Variants in TG observed in about 807,000 individuals in gnomAD.
TG encodes thyroglobulin, also known as thyroid hormones.
Under a neutral mutation model 324.7 loss-of-function variants are expected in TG, and 270 were observed. The observed-to-expected ratio is 0.83, with a 90% CI of 0.75 to 0.92. The LOEUF is 0.92. Among genes scored for constraint, TG ranks in the 40% least tolerant of loss-of-function variants. The probability of loss-of-function intolerance (pLI) is 0.00; values close to 1 mark genes in which losing one functional copy is unlikely to be tolerated. For synonymous variants in TG, 1,401 were observed against 1,327.0 expected (o/e 1.06, Z -1.21); for missense variants, 3,591 against 3,456.4 (o/e 1.04, Z -0.98).
At chr8:133,102,812 G>T in intron 43 of TG, 1 of 464,136 alleles carries the variant, frequency 2.2e-6, no homozygotes. Flanking sequence ...CAAGGAAGGC[G>T]AGAAAAATCA....
intron 32 of TG, 68 bp downstream of exon 32, chr8:132,969,637 T>A: frequency 8.2e-7 from 1 of 1,223,380 alleles, no homozygotes; most frequent in Admixed American, 1.7e-5. Flanking sequence ...GATGACACAA[T>A]CACAGCTAAA....
At position 132,869,759 on chromosome 8, in the gene TG, C is replaced by T. The variant is rs1381318052; in HGVS notation, c.207C>T (p.Ser69=). 1.2e-6 allele frequency: 2 copies of T among 1,614,196 alleles called. No homozygotes were observed. The highest frequency in any genetic ancestry group is 8.5e-7 in the Non-Finnish European group (1 of 1,180,036). The change falls in exon 3 of 48, where the codon TCC becomes TCT. Residue 69 remains serine (S), a synonymous_variant. Transcript: ENST00000220616. ...QTVQCQNDGR[S]CWCVGANGSE... is the part of the protein sequence containing the mutation. ...TCCAGTGCCAGAACGACGGCCGCTC[C>T]TGCTGGTGTGTGGGTGCCAACGGCA...
At chr8:132,922,433 G>A (rs560314726) in intron 21 of TG, among the ~76,000 whole-genome samples, 10 of 152,174 alleles carry the variant, frequency 6.6e-5, no homozygotes, top group Admixed American at 2.6e-4. Context: ...TTTCTGGAAC[G>A]TCTATCGAGT....
At chr8:132,926,138 A>G (rs543374663) in intron 22 of TG, among the ~76,000 whole-genome samples, 1 of 152,308 alleles carries the variant, frequency 6.6e-6, no homozygotes, top group African/African-American at 2.4e-5. Flanking sequence ...CTTCGGGAGT[A>G]AAATGTTTAA....
chr8:133,085,395 G>T (rs1846364974), intron 41 of TG, among the ~76,000 whole-genome samples: 1 of 152,162 alleles, frequency 6.6e-6, no homozygotes, highest in African/African-American at 2.4e-5. Flanking sequence ...TCCAAAAGAT[G>T]CCATGAAGAA....
Position 132,888,558 on chromosome 8 carries a change from G to C in TG, c.2751G>C (p.Lys917Asn), listed in dbSNP as rs776881055. 16 of 1,611,102 alleles carry C rather than the reference G, an allele frequency of 9.9e-6. No individual in the cohort carries two copies. The African/African-American group carries it at 1.6e-4, about 16-fold the overall frequency. Residue 917 changes from lysine to asparagine, a missense_variant, in exon 10 of 48, where the codon AAG (lysine) becomes AAC (asparagine). Lys to Asn is a moderately conservative substitution (Grantham distance 94). Coordinates refer to ENST00000220616, the MANE Select transcript of TG (RefSeq NM_003235.5). ...ELEGMRSEPS[K>N]LPTCPGSCEE... ...AAGGAATGCGGTCTGAGCCAAGCAA[G>C]CTCCCAACATGTGAGCTAACGCATA...
chr8:133,061,466 A>G (rs1842361942), intron 41 of TG, among the ~76,000 whole-genome samples: 1 of 152,218 alleles, frequency 6.6e-6, no homozygotes, highest in South Asian at 2.1e-4. Context: ...ATTGTCCTTA[A>G]TGATAAAATT....
At chr8:133,125,957 C>T (rs10106670) in intron 45 of TG, among the ~76,000 whole-genome samples, 2,589 of 152,158 alleles carry the variant, frequency 0.017, 68 homozygotes, top group African/African-American at 0.059. Context: ...ATATCCAGGA[C>T]GGCTCACTGA....
chr8:132,907,146 G>A (rs1054895856), intron 17 of TG, among the ~76,000 whole-genome samples: 1 of 152,200 alleles, frequency 6.6e-6, no homozygotes, highest in Non-Finnish European at 1.5e-5. Flanking sequence ...CTCCTTGAGA[G>A]AATTGCCATT....
chr8:132,873,329 T>G (rs1225137752), intron 5 of TG, 108 bp downstream of exon 5: 5 of 1,421,742 alleles, frequency 3.5e-6, no homozygotes, highest in African/African-American at 1.4e-5. Context: ...GATAAGGAAT[T>G]AAGAGCTGCC....
chr8:133,050,906 C>T (rs1162275630), intron 41 of TG: 1 of 1,611,306 alleles, frequency 6.2e-7, no homozygotes, highest in East Asian at 2.2e-5. Flanking sequence ...AAGGAAGTCG[C>T]TATCCAGTCC....
At chr8:133,056,470 C>T (rs1841463604) in intron 41 of TG, among the ~76,000 whole-genome samples, 1 of 152,326 alleles carries the variant, frequency 6.6e-6, no homozygotes, top group South Asian at 2.1e-4. Flanking sequence ...CGAGCCCATC[C>T]TCTTCCAGAG....
At chr8:132,951,739 A>T (rs1826130756) in intron 27 of TG, among the ~76,000 whole-genome samples, 1 of 152,200 alleles carries the variant, frequency 6.6e-6, no homozygotes, top group African/African-American at 2.4e-5. Flanking sequence ...GTAGGAGGCT[A>T]CCTCCAACTG....
intron 35 of TG, among the ~76,000 whole-genome samples, chr8:133,004,475 G>A (rs1275767811): frequency 5.3e-5 from 8 of 152,166 alleles, no homozygotes; most frequent in Non-Finnish European, 1.5e-5. Flanking sequence ...CTTGAATGAT[G>A]CCTCTATAAT....
At chr8:132,996,495 A>T (rs1308227605) in intron 35 of TG, among the ~76,000 whole-genome samples, 1 of 152,202 alleles carries the variant, frequency 6.6e-6, no homozygotes, top group African/African-American at 2.4e-5. Context: ...CACAGTGAAC[A>T]CTTAGTAAAT....
At chr8:132,951,341 A>C (rs75232288) in intron 27 of TG, among the ~76,000 whole-genome samples, 2,953 of 152,342 alleles carry the variant, frequency 0.019, 96 homozygotes, top group African/African-American at 0.064. Flanking sequence ...ATGAAGCACA[A>C]ATAGTTTCTT....
chr8:132,879,875 A>G (rs1311513774), intron 5 of TG, among the ~76,000 whole-genome samples: 1 of 152,176 alleles, frequency 6.6e-6, no homozygotes, highest in Non-Finnish European at 1.5e-5. Context: ...TGGCTCAAAG[A>G]CTGTGGAGGT....
intron 41 of TG, chr8:133,049,096 C>A (rs1220348929): frequency 2.2e-6 from 1 of 453,472 alleles, no homozygotes; most frequent in Non-Finnish European, 4.4e-6. Flanking sequence ...ACAGGACCCT[C>A]ACATGGAAGG....
intron 27 of TG, among the ~76,000 whole-genome samples, chr8:132,956,644 C>G (rs1280665093): frequency 2.0e-5 from 3 of 152,142 alleles, no homozygotes; most frequent in Non-Finnish European, 4.4e-5. Flanking sequence ...ACTTTGGAGA[C>G]AGATTAGGGC....
Sources: allele counts gnomAD v4.1 joint callset (sites outside exome capture counted in the v4.1 genomes callset), GRCh38; gene constraint gnomAD v4.1.1; transcripts MANE v1.5; gene names NCBI Gene and HGNC (gene_info 2026-07-23, HGNC 2026-07-21).